The following NPHS1 variants were observed in gnomAD, a reference collection of about 807,000 sequenced individuals.
NPHS1 encodes NPHS1 adhesion molecule, nephrin.
In NPHS1, 107 loss-of-function variants were observed where a neutral mutation model predicts 139.7. The ratio of observed to expected loss-of-function variants is 0.77; its 90% CI spans 0.66 to 0.90. The LOEUF is 0.90. NPHS1 is among the 40% of genes least tolerant of loss of function. The pLI, the probability that NPHS1 is intolerant of heterozygous loss-of-function variation, is 0.00. For missense variants in NPHS1, 1,580 were observed against 1,654.2 expected, an observed-to-expected ratio of 0.96 and a Z score of 0.78; for synonymous variants, 707 against 706.6, an observed-to-expected ratio of 1.00 and a Z score of -0.01.
chr19:35,835,027 G>A (rs764312271), intron 23 of NPHS1, among the ~76,000 whole-genome samples: 44 of 150,898 alleles, frequency 2.9e-4, no homozygotes, highest in South Asian at 6.3e-4. Flanking sequence ...GTGAAACCCC[G>A]TCCCTACTAA....
At chr19:35,836,751 T>C (rs1016868055) in intron 22 of NPHS1, among the ~76,000 whole-genome samples, 1 of 151,514 alleles carries the variant, frequency 6.6e-6, no homozygotes, top group Non-Finnish European at 1.5e-5. Flanking sequence ...TCCCAGCACT[T>C]TGAGAGACTG....
intron 22 of NPHS1, 114 bp downstream of exon 22, chr19:35,839,123 T>C (rs1973017108): frequency 2.0e-6 from 2 of 1,012,072 alleles, no homozygotes; most frequent in East Asian, 4.8e-5. Flanking sequence ...ACAATTTGCT[T>C]AACAGCTATA....
intron 16 of NPHS1, 169 bp from the exon 17 acceptor site, chr19:35,843,762 T>C (rs2093164553): frequency 1.2e-6 from 1 of 803,556 alleles, no homozygotes; most frequent in African/African-American, 1.7e-5. Context: ...GTTGGTGAGG[T>C]TGTCTCCACC....
intron 8 of NPHS1, 82 bp downstream of exon 8, chr19:35,848,894 C>T: frequency 6.2e-7 from 1 of 1,610,808 alleles, no homozygotes; most frequent in Non-Finnish European, 8.5e-7. Flanking sequence ...TCTTTGGCAT[C>T]CAGTAGGCAT....
At position 35,826,318 on chromosome 19, in the gene NPHS1, C is replaced by G; in HGVS notation, c.*196G>C. 3.2e-6 allele frequency: 2 copies of G among 622,860 alleles called. No individual in the cohort carries two copies. Among genetic ancestry groups the G allele is most frequent in the Non-Finnish European group, 5.7e-6 (2 of 353,916 alleles). 38.6% of individuals were successfully genotyped at this position (622,860 alleles called of 1,614,324 possible). A position where few individuals can be genotyped will look rare whatever the true frequency, so the allele number is the denominator to read the frequency against. Reference sequence around the variant, plus strand: ...GAGAAGTTTAGTTTCTAAAGCCAACCCCAGGATGCACCTTGTTTCTACTCT... The same window carrying G: ...GAGAAGTTTAGTTTCTAAAGCCAACGCCAGGATGCACCTTGTTTCTACTCT... On this transcript the variant is annotated 3_prime_UTR_variant, in exon 29 of 29. Transcript: ENST00000378910.
rs1005011573 is a variant in NPHS1 at position 35,829,996 on chromosome 19, G to A, written c.3594+848C>T. Among the ~76,000 whole-genome samples the A allele has an allele frequency of 3.3e-5, 5 of 152,092 alleles. No homozygotes were observed. In the East Asian group the frequency reaches 9.6e-4, roughly 29 times the overall value. On this transcript the variant is annotated intron_variant, in intron 28 of 28. Coordinates refer to ENST00000378910, the MANE Select transcript of NPHS1 (RefSeq NM_004646.4). Reference sequence around the variant, plus strand: ...AAACATTTTTAGGGAAGAAATTCTGGGCCCAGCTGGGCCTGATGACAATTG... The same window carrying A: ...AAACATTTTTAGGGAAGAAATTCTGAGCCCAGCTGGGCCTGATGACAATTG...
chr19:35,839,639 G>A (rs1973026147), intron 20 of NPHS1, 32 bp from the exon 21 acceptor site: 3 of 1,529,572 alleles, frequency 2.0e-6, no homozygotes, highest in South Asian at 2.2e-5. Context: ...AGCAGTCAGA[G>A]GATACAAAAG....
Position 35,848,483 on chromosome 19 carries a change from G to A in NPHS1, c.1171-86C>T, listed in dbSNP as rs417786. 68,995 of 1,601,100 alleles carry A rather than the reference G, an allele frequency of 0.043. 2,796 individuals carry two copies. The highest frequency in any genetic ancestry group is 0.22 in the African/African-American group (16,177 of 74,696). On this transcript the variant is annotated intron_variant, in intron 9 of 28. Coordinates refer to ENST00000378910, the MANE Select transcript of NPHS1 (RefSeq NM_004646.4). ...CCTGAGTCCATCCCAGTCCCCAGCA[G>A]GGACACAGGAGACATCTCTACCTCC...
At position 35,846,096 on chromosome 19, in the gene NPHS1, C is replaced by T. The variant is rs1973136920; in HGVS notation, c.1539G>A (p.Leu513=). 1.3e-6 allele frequency: 2 copies of T among 1,597,014 alleles called. No individual in the cohort carries two copies. Among genetic ancestry groups the T allele is most frequent in the Non-Finnish European group, 1.7e-6 (2 of 1,172,418 alleles). ...EKSGSTFSRE[L]VLVTGPSDNQ... ...TGTCCGACGGCCCTGTGACCAGCAC[C>T]AGCTCTCGGGAGAAGGTGCTCCCAG... Residue 513 remains leucine, a synonymous_variant, in exon 12 of 29, where the codon CTG becomes CTA. Transcript: ENST00000378910.
intron 2 of NPHS1, 23 bp downstream of exon 2, chr19:35,851,434 G>A: frequency 1.4e-5 from 22 of 1,612,900 alleles, no homozygotes; most frequent in Non-Finnish European, 1.8e-5. Flanking sequence ...GGTGGCTGAG[G>A]GTCTCAGGCT....
intron 22 of NPHS1, among the ~76,000 whole-genome samples, chr19:35,836,935 G>A (rs1414598147): frequency 6.6e-6 from 1 of 150,378 alleles, no homozygotes; most frequent in Non-Finnish European, 1.5e-5. Context: ...GGCAGAGGTT[G>A]CAGTGAGCCG....
At chr19:35,843,726 C>T (rs1973093310) in intron 16 of NPHS1, 133 bp from the exon 17 acceptor site, 2 of 1,161,172 alleles carry the variant, frequency 1.7e-6, no homozygotes, top group Middle Eastern at 3.0e-4. Flanking sequence ...CCCTTAATAC[C>T]AAAGGGTTGG....
At chr19:35,836,629 T>C (rs1291150180) in intron 22 of NPHS1, among the ~76,000 whole-genome samples, 1 of 151,606 alleles carries the variant, frequency 6.6e-6, no homozygotes, top group East Asian at 1.9e-4. Flanking sequence ...GCAGAGAAGA[T>C]TGTAGGGGTG....
rs1973192389 is a variant in NPHS1, at chr19:35,849,259, AG to A, written c.816del (p.Leu273Ter). The part of the protein sequence containing the change: ...ELPCVARGGN[P>X]LATLQWLKNG... ...ACCTTCAGCCACTGCAGTGTGGCTAAGGGATTACCCCCTCGGGCCACGCACG... is the reference window on the plus strand; with the variant it reads ...ACCTTCAGCCACTGCAGTGTGGCTAAGGATTACCCCCTCGGGCCACGCACG... On this transcript the variant is annotated frameshift_variant, in exon 7 of 29. Transcript: ENST00000378910. LOFTEE classifies it high-confidence loss of function. The A allele has an allele frequency of 6.2e-7, 1 of 1,613,752 alleles. No homozygotes were observed. Among genetic ancestry groups the A allele is most frequent in the African/African-American group, 1.3e-5 (1 of 74,942 alleles).
chr19:35,839,215 C>A, intron 22 of NPHS1, 22 bp downstream of exon 22: 1 of 1,613,088 alleles, frequency 6.2e-7, no homozygotes, highest in South Asian at 1.1e-5. Context: ...ATACTCCAAC[C>A]TGCCCAAGCC....
At chr19:35,844,053 T>G (rs1333876121) in intron 16 of NPHS1, 50 bp downstream of exon 16, 2 of 1,593,728 alleles carry the variant, frequency 1.3e-6, no homozygotes, top group Non-Finnish European at 1.7e-6. Flanking sequence ...GACTCCACAA[T>G]GGGCAAGGTT....
chr19:35,842,287 G>A lies in NPHS1; in HGVS notation c.2507-7C>T. On this transcript the variant is annotated splice_polypyrimidine_tract_variant and splice_region_variant and intron_variant, in intron 18 of 28. Transcript: ENST00000378910. ...TGCTCCACCTGGGGGGCAACTGGGA[G>A]GGGATGGGCAGTCAACATGAGCTAT... 6.2e-7 allele frequency: 1 copy of A among 1,612,436 alleles called. No homozygotes were observed. Among genetic ancestry groups the A allele is most frequent in the East Asian group, 2.2e-5 (1 of 44,890 alleles).
At chr19:35,843,771 C>G (rs1973093836) in intron 16 of NPHS1, 178 bp from the exon 17 acceptor site, 1 of 742,786 alleles carries the variant, frequency 1.3e-6, no homozygotes, top group Non-Finnish European at 2.2e-6. Context: ...GTTGTCTCCA[C>G]CCTCCACTAT....
At chr19:35,827,206 C>T (rs773675387) in intron 28 of NPHS1, among the ~76,000 whole-genome samples, 1 of 151,772 alleles carries the variant, frequency 6.6e-6, no homozygotes, top group Non-Finnish European at 1.5e-5. Flanking sequence ...GTCTTGAACT[C>T]CTGAGTTCAA....
Sources: allele counts gnomAD v4.1 joint callset (sites outside exome capture counted in the v4.1 genomes callset), GRCh38; gene constraint gnomAD v4.1.1; transcripts MANE v1.5; gene names NCBI Gene and HGNC (gene_info 2026-07-23, HGNC 2026-07-21).